The following CDKN1B variants were observed in gnomAD, a reference collection of about 807,000 sequenced individuals.
CDKN1B encodes cyclin dependent kinase inhibitor 1B.
CDKN1B carries 7 observed loss-of-function variants against 17.1 expected under a neutral mutation model. The observed-to-expected ratio is 0.41, with a 90% CI of 0.23 to 0.77. The LOEUF is 0.77. CDKN1B is among the 30% of genes least tolerant of loss of function. The probability of loss-of-function intolerance (pLI) is 0.33; values close to 1 mark genes in which losing one functional copy is unlikely to be tolerated. For synonymous variants in CDKN1B, 149 were observed against 104.3 expected, an observed-to-expected ratio of 1.43 and a Z score of -2.61; for missense variants, 337 against 262.0, an observed-to-expected ratio of 1.29 and a Z score of -1.98.
At chr12:12,719,095 T>G in intron 2 of CDKN1B, 141 bp downstream of exon 2, 1 of 898,644 alleles carries the variant, frequency 1.1e-6, no homozygotes, top group South Asian at 1.5e-5. Context: ...AAAGTAGCAA[T>G]GGGGAAGGCT....
chr12:12,718,299 C>A lies in CDKN1B; in HGVS notation c.460C>A (p.Arg154=), dbSNP rs1292160956. ...LAEQCAGIRK[R]PATDDSSTQN... ...GGAGCAATGCGCAGGAATAAGGAAG[C>A]GACCTGCAACCGACGGTAATGACCC... Residue 154 remains arginine, a synonymous_variant, in exon 1 of 3, where the codon CGA becomes AGA. Transcript: ENST00000228872. The A allele has an allele frequency of 1.9e-6, 3 of 1,602,998 alleles. No individual in the cohort carries two copies. The highest frequency in any genetic ancestry group is 1.7e-5 in the Admixed American group (1 of 60,010).
intron 2 of CDKN1B, chr12:12,719,244 G>C (rs1465985714): frequency 2.4e-6 from 1 of 408,512 alleles, no homozygotes; most frequent in African/African-American, 2.0e-5. Context: ...AACGTGTTGG[G>C]AGCAATAGGT....
intron 2 of CDKN1B, among the ~76,000 whole-genome samples, chr12:12,719,798 A>C: frequency 6.6e-6 from 1 of 152,214 alleles, no homozygotes; most frequent in East Asian, 1.9e-4. Flanking sequence ...TCCATGCACA[A>C]GAATCTGATC....
rs760403492 is a variant in CDKN1B at position 12,718,233 on chromosome 12, G to T, written c.394G>T (p.Asp132Tyr). 1.2e-6 allele frequency: 2 copies of T among 1,611,672 alleles called. No individual in the cohort carries two copies. The highest frequency in any genetic ancestry group is 1.7e-5 in the Admixed American group (1 of 60,004). Residue 132 changes from aspartate to tyrosine, a missense_variant, in exon 1 of 3, where the codon GAC (aspartate) becomes TAC (tyrosine). Physicochemically the swap from Asp to Tyr is radical, Grantham distance 160. Coordinates refer to ENST00000228872, the MANE Select transcript of CDKN1B (RefSeq NM_004064.5). ...TAACTCTGAGGACACGCATTTGGTG[G>T]ACCCAAAGACTGATCCGTCGGACAG... is the stretch of plus-strand genomic sequence containing the variant. ...PANSEDTHLV[D>Y]PKTDPSDSQT...
At position 12,718,874 on chromosome 12, in the gene CDKN1B, A is replaced by G. The variant is rs755410592; in HGVS notation, c.525A>G (p.Ser175=). 6.2e-7 allele frequency: 1 copy of G among 1,614,202 alleles called. No individual in the cohort carries two copies. Residue 175 remains serine, a synonymous_variant, in exon 2 of 3, where the codon TCA becomes TCG. Coordinates refer to ENST00000228872, the MANE Select transcript of CDKN1B (RefSeq NM_004064.5). ...CCAACAGAACAGAAGAAAATGTTTC[A>G]GACGGTTCCCCAAATGCCGGTTCTG... ...KRANRTEENV[S]DGSPNAGSVE...
rs1946474237 is a variant in CDKN1B at position 12,717,399 on chromosome 12, T to C, written c.-441T>C. On this transcript the variant is annotated 5_prime_UTR_variant, in exon 1 of 3. Transcript: ENST00000228872. ...CGTCAGCCTCCCTTCCACCGCCATA[T>C]TGGGCCACTAAAAAAAGGGGGCTCG... 3.4e-6 allele frequency: 4 copies of C among 1,188,638 alleles called. No homozygotes were observed. In the South Asian group the frequency reaches 6.5e-5, roughly 19 times the overall value. The allele number at this position is 1,188,638 out of a possible 1,614,324, so 73.6% of individuals were successfully genotyped here.
intron 2 of CDKN1B, 127 bp downstream of exon 2, chr12:12,719,081 C>A (rs2136357653): frequency 8.3e-7 from 1 of 1,199,980 alleles, no homozygotes; most frequent in Non-Finnish European, 1.2e-6. Context: ...TTCGTGAGGT[C>A]AAAAAAGTAG....
In CDKN1B at chr12:12,717,868, GC is replaced by G; in HGVS notation, c.32del (p.Pro11LeufsTer31). 6.2e-7 allele frequency: 1 copy of G among 1,613,756 alleles called. No homozygotes were observed. Among genetic ancestry groups the G allele is most frequent in the Non-Finnish European group, 8.5e-7 (1 of 1,180,024 alleles). Reference protein sequence around the residue: MSNVRVSNGSPSLERMDARQ... With the variant: MSNVRVSNGXPSLERMDARQ... ...TCAAACGTGCGAGTGTCTAACGGGA[GC>G]CCTAGCCTGGAGCGGATGGACGCCA... On this transcript the variant is annotated frameshift_variant, in exon 1 of 3. Coordinates refer to ENST00000228872, the MANE Select transcript of CDKN1B (RefSeq NM_004064.5). LOFTEE classifies it high-confidence loss of function.
intron 1 of CDKN1B, 81 bp from the exon 2 acceptor site, chr12:12,718,744 A>C (rs980447349): frequency 1.3e-6 from 2 of 1,558,012 alleles, no homozygotes; most frequent in African/African-American, 1.4e-5. Flanking sequence ...TCATCCCCTG[A>C]CTATGGGGCC....
chr12:12,719,027 T>C, intron 2 of CDKN1B, 73 bp downstream of exon 2: 1 of 1,585,324 alleles, frequency 6.3e-7, no homozygotes. Flanking sequence ...ATCTTACTGG[T>C]TGCTGGCAAA....
Position 12,721,150 on chromosome 12 carries a change from T to C in CDKN1B, c.*123T>C. 1 of 775,438 alleles carries C rather than the reference T, an allele frequency of 1.3e-6. No homozygotes were observed. Among genetic ancestry groups the C allele is most frequent in the Middle Eastern group, 2.3e-4 (1 of 4,436 alleles). 48.0% of individuals were successfully genotyped at this position (775,438 alleles called of 1,614,324 possible). On this transcript the variant is annotated 3_prime_UTR_variant, in exon 3 of 3. Transcript: ENST00000228872. ...CTGACTTCATGGAATGGACATCCTG[T>C]ATAAGCACTGAAAAACAACAACACA... is the stretch of plus-strand genomic sequence containing the variant.
intron 1 of CDKN1B, 103 bp from the exon 2 acceptor site, chr12:12,718,722 G>A (rs765856102): frequency 9.3e-5 from 119 of 1,285,406 alleles, no homozygotes; most frequent in Non-Finnish European, 1.2e-4. Context: ...GTGGGTGGAG[G>A]TAGTGGGTTT....
chr12:12,717,723 C>G lies in CDKN1B; in HGVS notation c.-117C>G. On this transcript the variant is annotated 5_prime_UTR_variant, in exon 1 of 3. Transcript: ENST00000228872. ...TCGTCGGGGTCTGTGTCTTTTGGCT[C>G]CGAGGGCAGTCGCTGGGCTTCCGAG... is the stretch of plus-strand genomic sequence containing the variant. 1 of 1,567,536 alleles carries G rather than the reference C, an allele frequency of 6.4e-7. No homozygotes were observed. Among genetic ancestry groups the G allele is most frequent in the Non-Finnish European group, 8.6e-7 (1 of 1,166,272 alleles).
chr12:12,718,987 A>ACC, intron 2 of CDKN1B, 33 bp downstream of exon 2: 7 of 1,611,940 alleles, frequency 4.3e-6, no homozygotes, highest in Non-Finnish European at 5.1e-6. Flanking sequence ...ACGCACTGGA[A>ACC]CCCGGGGCCT....
chr12:12,718,184 G>A lies in CDKN1B; in HGVS notation c.345G>A (p.Ala115=), dbSNP rs199570763. ...ESQDVSGSRP[A]APLIGAPANS... is the part of the protein sequence containing the mutation. ...AGGATGTCAGCGGGAGCCGCCCGGCGGCGCCTTTAATTGGGGCTCCGGCTA... is the reference window on the plus strand; with the variant it reads ...AGGATGTCAGCGGGAGCCGCCCGGCAGCGCCTTTAATTGGGGCTCCGGCTA... The change falls in exon 1 of 3, where the codon GCG becomes GCA. Residue 115 remains alanine, a synonymous_variant. Coordinates refer to ENST00000228872, the MANE Select transcript of CDKN1B (RefSeq NM_004064.5). The A allele has an allele frequency of 8.9e-5, 143 of 1,613,086 alleles. No homozygotes were observed. The East Asian group carries it at 3.2e-3, about 36-fold the overall frequency.
Position 12,717,792 on chromosome 12 carries a change from G to GT in CDKN1B, c.-41dup, listed in dbSNP as rs765276743. 5.4e-5 allele frequency: 87 copies of GT among 1,605,920 alleles called. No homozygotes were observed. The highest frequency in any genetic ancestry group is 3.5e-4 in the Admixed American group (21 of 59,964). On this transcript the variant is annotated 5_prime_UTR_variant, in exon 1 of 3. Coordinates refer to ENST00000228872, the MANE Select transcript of CDKN1B (RefSeq NM_004064.5). ...GGGGCGCTTTGTTTTGTTCGGTTTT[G>GT]TTTTTTTGAGAGTGCGAGAGAGGCG...
Position 12,717,643 on chromosome 12 carries a change from G to C in CDKN1B, c.-197G>C. 1 of 1,469,570 alleles carries C rather than the reference G, an allele frequency of 6.8e-7. No individual in the cohort carries two copies. The highest frequency in any genetic ancestry group is 8.9e-7 in the Non-Finnish European group (1 of 1,118,810). The allele number at this position is 1,469,570 out of a possible 1,614,324, so 91.0% of individuals were successfully genotyped here. A position where few individuals can be genotyped will look rare whatever the true frequency, so the allele number is the denominator to read the frequency against. ...CCATTTGATCAGCGGAGACTCGGCG[G>C]CCGGGCCGGGGCTTCCCCGCAGCCC... is the stretch of plus-strand genomic sequence containing the variant. On this transcript the variant is annotated 5_prime_UTR_variant, in exon 1 of 3. Coordinates refer to ENST00000228872, the MANE Select transcript of CDKN1B (RefSeq NM_004064.5).
chr12:12,718,311 G>A lies in CDKN1B; in HGVS notation c.472G>A (p.Asp158Asn), dbSNP rs1592281294. ...CAGIRKRPAT[D>N]DSSTQNKRAN... ...AGGAATAAGGAAGCGACCTGCAACC[G>A]ACGGTAATGACCCTTTCCCAACCAT... The change falls in exon 1 of 3, where the codon GAC becomes AAC. Residue 158 changes from aspartate to asparagine, a missense_variant. Asp to Asn is a conservative substitution (Grantham distance 23, BLOSUM62 1). Transcript: ENST00000228872. 3 of 1,600,714 alleles carry A rather than the reference G, an allele frequency of 1.9e-6. No homozygotes were observed. The highest frequency in any genetic ancestry group is 2.2e-5 in the East Asian group (1 of 44,868).
intron 2 of CDKN1B, chr12:12,719,595 A>G (rs1269381970): frequency 1.3e-5 from 2 of 152,646 alleles, no homozygotes; most frequent in Admixed American, 6.5e-5. Flanking sequence ...GTTTCTACAG[A>G]ATTTCTGGTA....
Sources: gnomAD v4.1 joint callset for allele counts (sites outside exome capture counted in the v4.1 genomes callset) on GRCh38, gnomAD v4.1.1 for gene constraint, MANE v1.5 for transcripts, NCBI Gene and HGNC (gene_info 2026-07-23, HGNC 2026-07-21) for gene names.